BCAS2: variants seen among roughly 807,000 people sequenced by gnomAD.
BCAS2 encodes pre-mRNA-splicing factor SPF27.
In BCAS2, 34 loss-of-function variants were observed where a neutral mutation model predicts 35.3. The observed-to-expected ratio is 0.96, with a 90% CI of 0.73 to 1.28. BCAS2 has a LOEUF of 1.28. BCAS2 is among the 50% of genes most tolerant of loss of function. The pLI is 0.00. For missense variants in BCAS2, 221 were observed against 268.1 expected (o/e 0.82, Z 1.23); for synonymous variants, 75 against 91.6 (o/e 0.82, Z 1.03).
intron 4 of BCAS2, 50 bp downstream of exon 4, chr1:114,575,540 A>G (rs1288077664): frequency 6.5e-7 from 1 of 1,532,874 alleles, no homozygotes; most frequent in Non-Finnish European, 8.8e-7. Flanking sequence ...TGAGATGGAA[A>G]GAAAAGAGAA....
chr1:114,570,934 G>A (rs1019682419), intron 4 of BCAS2, among the ~76,000 whole-genome samples, 184 bp from the exon 5 acceptor site: 1 of 152,300 alleles, frequency 6.6e-6, no homozygotes, highest in Admixed American at 6.5e-5. Flanking sequence ...ATGGCTCACT[G>A]CAGCCTTCAC....
chr1:114,573,588 C>G (rs887932804), intron 4 of BCAS2, among the ~76,000 whole-genome samples: 1 of 152,132 alleles, frequency 6.6e-6, no homozygotes, highest in African/African-American at 2.4e-5. Flanking sequence ...GCACTTGCCC[C>G]CATATTGCCA....
At chr1:114,575,186 C>CTTT (rs71090790) in intron 4 of BCAS2, among the ~76,000 whole-genome samples, 1 of 79,322 alleles carries the variant, frequency 1.3e-5, no homozygotes. Context: ...TTTTTCTTTT[C>CTTT]TTTTTTTTTT....
At chr1:114,573,970 T>C (rs1253711932) in intron 4 of BCAS2, among the ~76,000 whole-genome samples, 1 of 152,218 alleles carries the variant, frequency 6.6e-6, no homozygotes, top group East Asian at 1.9e-4. Flanking sequence ...TTGTACATAC[T>C]GTTATGAAGT....
intron 1 of BCAS2, 23 bp from the exon 2 acceptor site, chr1:114,581,414 G>C: frequency 1.2e-6 from 2 of 1,614,072 alleles, no homozygotes; most frequent in Non-Finnish European, 1.7e-6. Context: ...ATAGGGACCA[G>C]GGTAGAAGTG....
intron 4 of BCAS2, among the ~76,000 whole-genome samples, chr1:114,571,507 C>T (rs889872150): frequency 6.6e-6 from 1 of 152,078 alleles, no homozygotes; most frequent in Non-Finnish European, 1.5e-5. Context: ...CAGGCATAAG[C>T]CACCATGCCC....
At chr1:114,578,242 C>T (rs576403928) in intron 2 of BCAS2, among the ~76,000 whole-genome samples, 22 of 151,924 alleles carry the variant, frequency 1.4e-4, no homozygotes, top group Admixed American at 1.3e-3. Context: ...CAAAAAATTT[C>T]GTATTAAGCA....
In BCAS2 at chr1:114,575,765, A is replaced by G. The variant is rs774958163; in HGVS notation, c.258-14T>C. 3.1e-6 allele frequency: 5 copies of G among 1,609,628 alleles called. No individual in the cohort carries two copies. In the African/African-American group the frequency reaches 4.0e-5, roughly 13 times the overall value. On this transcript the variant is annotated splice_polypyrimidine_tract_variant and intron_variant, in intron 3 of 6. Coordinates refer to ENST00000369541, the MANE Select transcript of BCAS2 (RefSeq NM_005872.3). ...GGAAGCTCATATCTGAAATTAAACA[A>G]CAAAATAAAATAAAACCATCTATAC...
chr1:114,573,004 G>C (rs149848013), intron 4 of BCAS2, among the ~76,000 whole-genome samples: 3 of 151,592 alleles, frequency 2.0e-5, no homozygotes, highest in Non-Finnish European at 4.4e-5. Flanking sequence ...ACCTACTCTG[G>C]AGGCTGAGGC....
chr1:114,576,672 AT>A lies in BCAS2; in HGVS notation c.257+15del. 6.3e-7 allele frequency: 1 copy of A among 1,591,116 alleles called. No homozygotes were observed. Among genetic ancestry groups the A allele is most frequent in the Non-Finnish European group, 8.6e-7 (1 of 1,162,714 alleles). ...TACTACAAACTAAATTTTAATTTCC[AT>A]TTTAATATTCTTACCGTTTCATACT... On this transcript the variant is annotated intron_variant, in intron 3 of 6. Coordinates refer to ENST00000369541, the MANE Select transcript of BCAS2 (RefSeq NM_005872.3).
chr1:114,570,635 C>A, intron 5 of BCAS2, 65 bp downstream of exon 5: 1 of 1,111,282 alleles, frequency 9.0e-7, no homozygotes, highest in South Asian at 1.4e-5. Context: ...TTTCTTTTTC[C>A]TCCTATTTTC....
intron 5 of BCAS2, among the ~76,000 whole-genome samples, chr1:114,570,462 A>T (rs1291577359): frequency 6.6e-6 from 1 of 152,138 alleles, no homozygotes; most frequent in African/African-American, 2.4e-5. Flanking sequence ...CCCACTCTAA[A>T]AGTGCCTTTC....
chr1:114,568,231 A>G lies in BCAS2; in HGVS notation c.577T>C (p.Tyr193His). The G allele has an allele frequency of 6.2e-7, 1 of 1,613,974 alleles. No individual in the cohort carries two copies. Among genetic ancestry groups the G allele is most frequent in the Non-Finnish European group, 8.5e-7 (1 of 1,179,940 alleles). The change falls in exon 7 of 7, where the codon TAT (tyrosine) becomes CAT (histidine). Residue 193 changes from tyrosine to histidine, a missense_variant. Transcript: ENST00000369541. ...SNWVSLVSKN[Y>H]EIERTIVQLE... ...TGAACAATAGTCCGTTCAATCTCAT[A>G]ATTCTTACTGACCAGGGATACCCAA...
At chr1:114,575,441 C>T (rs955707851) in intron 4 of BCAS2, 149 bp downstream of exon 4, 1 of 687,168 alleles carries the variant, frequency 1.5e-6, no homozygotes, top group Non-Finnish European at 2.2e-6. Context: ...GCAATCCACC[C>T]ACCTCTGCCT....
intron 2 of BCAS2, among the ~76,000 whole-genome samples, chr1:114,577,163 A>G (rs1455305117): frequency 1.3e-5 from 2 of 152,228 alleles, no homozygotes; most frequent in Non-Finnish European, 2.9e-5. Flanking sequence ...GGCTCAATCC[A>G]TTCATGGGTT....
intron 5 of BCAS2, 126 bp from the exon 6 acceptor site, chr1:114,570,198 CTGTAGAAATTACCTTTCTTCTAATTATT>C: frequency 3.0e-6 from 2 of 657,650 alleles, no homozygotes; most frequent in African/African-American, 1.8e-5. Flanking sequence ...TATAGGCTAA[CTGTAGAAATTACCTTTCTTCTAATTATT>C]TTTTGATTAC....
chr1:114,577,518 C>T (rs1265823962), intron 2 of BCAS2, among the ~76,000 whole-genome samples: 1 of 152,126 alleles, frequency 6.6e-6, no homozygotes, highest in Non-Finnish European at 1.5e-5. Context: ...AGGCATCTGC[C>T]ACTATGCCTG....
At chr1:114,570,662 A>C in intron 5 of BCAS2, 38 bp downstream of exon 5, 1 of 1,402,372 alleles carries the variant, frequency 7.1e-7, no homozygotes, top group Non-Finnish European at 9.9e-7. Context: ...TTAAAGGTTC[A>C]CTTAAACTTC....
In BCAS2 at chr1:114,576,247, C is replaced by CTCTATA. The variant is rs1423198106; in HGVS notation, c.257+440_257+441insTATAGA. On this transcript the variant is annotated intron_variant, in intron 3 of 6. Coordinates refer to ENST00000369541, the MANE Select transcript of BCAS2 (RefSeq NM_005872.3). The stretch of plus-strand genomic sequence containing the variant: ...CCTCTCTCTCTCTCTCTCTCTCTCT[C>CTCTATA]TATATATATATATATATAGTTTTTT... 1.8e-3 allele frequency among the ~76,000 whole-genome samples: 238 copies of CTCTATA among 131,654 alleles called. 1 individual carries two copies. The highest frequency in any genetic ancestry group is 6.3e-3 in the African/African-American group (219 of 34,662). 86.4% of individuals were successfully genotyped at this position (131,654 alleles called of 152,430 possible). A position where few individuals can be genotyped will look rare whatever the true frequency, so the allele number is the denominator to read the frequency against.
Sources: allele counts gnomAD v4.1 joint callset (sites outside exome capture counted in the v4.1 genomes callset), GRCh38; gene constraint gnomAD v4.1.1; transcripts MANE v1.5; gene names NCBI Gene and HGNC (gene_info 2026-07-23, HGNC 2026-07-21).